Variants in UQCRC2 observed in about 807,000 individuals in gnomAD.
UQCRC2 encodes the protein ubiquinol-cytochrome c reductase core protein 2, also known as cytochrome b-c1 complex subunit 2, mitochondrial.
A neutral mutation model predicts 55.6 loss-of-function variants in UQCRC2; 49 were observed. The ratio of observed to expected loss-of-function variants is 0.88; its 90% CI spans 0.70 to 1.12. The LOEUF (loss-of-function observed/expected upper bound fraction) is 1.12, where lower values mean the gene tolerates loss of function less well. UQCRC2 is among the 50% of genes most tolerant of loss of function. The probability of loss-of-function intolerance (pLI) is 0.00; values close to 1 mark genes in which losing one functional copy is unlikely to be tolerated. For missense variants in UQCRC2, 506 were observed against 547.8 expected, an observed-to-expected ratio of 0.92 and a Z score of 0.76; for synonymous variants, 193 against 192.0, an observed-to-expected ratio of 1.01 and a Z score of -0.04.
chr16:21,981,248 A>T (rs903716688), intron 13 of UQCRC2, among the ~76,000 whole-genome samples: 1 of 152,030 alleles, frequency 6.6e-6, no homozygotes, highest in African/African-American at 2.4e-5. Context: ...TCCCTACAAT[A>T]TTGAGCTGTT....
intron 8 of UQCRC2, among the ~76,000 whole-genome samples, chr16:21,969,231 A>G (rs1898399378): frequency 6.6e-6 from 1 of 152,152 alleles, no homozygotes; most frequent in South Asian, 2.1e-4. Flanking sequence ...GATCTTTTTG[A>G]ACATATCTGT....
chr16:21,961,711 G>C (rs1298724529), intron 4 of UQCRC2, among the ~76,000 whole-genome samples: 8 of 138,992 alleles, frequency 5.8e-5, no homozygotes, highest in African/African-American at 1.8e-4. Flanking sequence ...GAGTGCAGTG[G>C]CATGATCTTG....
intron 5 of UQCRC2, 114 bp from the exon 6 acceptor site, chr16:21,962,647 C>G (rs1597954325): frequency 6.3e-7 from 1 of 1,587,440 alleles, no homozygotes; most frequent in East Asian, 2.2e-5. Context: ...TGCTCAAAAA[C>G]ACTGCTTACC....
chr16:21,958,342 A>C (rs530545266), intron 3 of UQCRC2, among the ~76,000 whole-genome samples, 193 bp from the exon 4 acceptor site: 5 of 152,360 alleles, frequency 3.3e-5, no homozygotes, highest in African/African-American at 1.2e-4. Context: ...GAAATTTTAC[A>C]TGAATGTACT....
At position 21,968,656 on chromosome 16, in the gene UQCRC2, C is replaced by G. The variant is rs1228859339; in HGVS notation, c.641C>G (p.Thr214Arg). ...CATTACTTCGTTCAGAACCATTTCA[C>G]AAGTGCAAGAATGGCTTTGATTGGA... ...ELHYFVQNHF[T>R]SARMALIGLG... The change falls in exon 8 of 14, where the codon ACA becomes AGA. Residue 214 changes from threonine (T) to arginine (R), a missense_variant. Transcript: ENST00000268379. The G allele has an allele frequency of 6.2e-7, 1 of 1,609,786 alleles. No homozygotes were observed. Among genetic ancestry groups the G allele is most frequent in the Non-Finnish European group, 8.5e-7 (1 of 1,177,768 alleles).
At chr16:21,961,928 C>T (rs1898215183) in intron 4 of UQCRC2, among the ~76,000 whole-genome samples, 1 of 151,942 alleles carries the variant, frequency 6.6e-6, no homozygotes. Context: ...GCTGGGATTA[C>T]AGGTGTGAGC....
intron 6 of UQCRC2, 46 bp downstream of exon 6, chr16:21,962,931 T>G: frequency 6.4e-7 from 1 of 1,560,606 alleles, no homozygotes; most frequent in South Asian, 1.2e-5. Flanking sequence ...TACTGGGTTT[T>G]TTAGAAGATC....
chr16:21,959,346 A>ACT, intron 4 of UQCRC2: 1 of 270,752 alleles, frequency 3.7e-6, no homozygotes, highest in African/African-American at 2.3e-5. Flanking sequence ...CAGTGTTCAC[A>ACT]GCATCTTCAA....
At chr16:21,969,612 T>C (rs1898409976) in intron 8 of UQCRC2, among the ~76,000 whole-genome samples, 1 of 152,230 alleles carries the variant, frequency 6.6e-6, no homozygotes, top group Non-Finnish European at 1.5e-5. Context: ...TTAGGTCAAG[T>C]TTACAAAGTA....
At chr16:21,960,929 C>T (rs1368584341) in intron 4 of UQCRC2, among the ~76,000 whole-genome samples, 1 of 152,066 alleles carries the variant, frequency 6.6e-6, no homozygotes, top group Non-Finnish European at 1.5e-5. Context: ...CTCCTGGGCC[C>T]AAGCGATTCT....
At chr16:21,972,517 G>C (rs556027517) in intron 10 of UQCRC2, among the ~76,000 whole-genome samples, 1 of 152,190 alleles carries the variant, frequency 6.6e-6, no homozygotes, top group African/African-American at 2.4e-5. Flanking sequence ...CAACCAAGTG[G>C]ACAAGATGAA....
Position 21,969,906 on chromosome 16 carries a change from C to G in UQCRC2, c.670+1221C>G, listed in dbSNP as rs765761912. Among the ~76,000 whole-genome samples the G allele has an allele frequency of 8.4e-4, 128 of 151,720 alleles. 1 individual carries two copies. Among genetic ancestry groups the G allele is most frequent in the Admixed American group, 8.3e-3 (126 of 15,204 alleles). ...TTTTTAAAGAGATGGAGGTCTCATT[C>G]TGTTGCCCAAGCTGGAGCACAGTGG... On this transcript the variant is annotated intron_variant, in intron 8 of 13. Transcript: ENST00000268379.
intron 7 of UQCRC2, among the ~76,000 whole-genome samples, chr16:21,967,350 A>T (rs1454197992): frequency 2.6e-5 from 4 of 152,120 alleles, no homozygotes; most frequent in African/African-American, 9.7e-5. Context: ...GAGCCTTTCT[A>T]GCCATTTTTT....
rs542091393 is a variant in UQCRC2 at position 21,954,889 on chromosome 16, C to CAA, written c.33+1446_33+1447dup. Among the ~76,000 whole-genome samples, 591 of 129,688 alleles carry CAA rather than the reference C, an allele frequency of 4.6e-3. 6 individuals carry two copies. Among genetic ancestry groups the CAA allele is most frequent in the Admixed American group, 7.4e-3 (94 of 12,764 alleles). 85.1% of individuals were successfully genotyped at this position (129,688 alleles called of 152,430 possible). On this transcript the variant is annotated intron_variant, in intron 1 of 13. Transcript: ENST00000268379. ...TGAAACCCCGTCTCTACTAAAAATA[C>CAA]AAAAAAAAAAAAAATAGCCGGGCGT...
At chr16:21,959,260 A>G (rs1898146994) in intron 4 of UQCRC2, 1 of 159,844 alleles carries the variant, frequency 6.3e-6, no homozygotes, top group Non-Finnish European at 1.4e-5. Flanking sequence ...ACTTCTTTCA[A>G]AATTAGTCAG....
At position 21,971,636 on chromosome 16, in the gene UQCRC2, T is replaced by TA. The variant is rs1898464240; in HGVS notation, c.766+17dup. 3.7e-6 allele frequency: 6 copies of TA among 1,610,656 alleles called. No homozygotes were observed. Among genetic ancestry groups the TA allele is most frequent in the Non-Finnish European group, 5.1e-6 (6 of 1,177,788 alleles). On this transcript the variant is annotated intron_variant, in intron 9 of 13. Coordinates refer to ENST00000268379, the MANE Select transcript of UQCRC2 (RefSeq NM_003366.4). Reference sequence around the variant, plus strand: ...TACCGTGGAGGTAAGCATTTCATTCTATTAGGGTTAATTTATCAGAAGGGC... The same window carrying TA: ...TACCGTGGAGGTAAGCATTTCATTCTAATTAGGGTTAATTTATCAGAAGGGC...
chr16:21,982,870 C>T (rs953455155), intron 13 of UQCRC2, among the ~76,000 whole-genome samples: 1 of 149,048 alleles, frequency 6.7e-6, no homozygotes, highest in Non-Finnish European at 1.5e-5. Context: ...GAGGGTGAGG[C>T]AGAGAATTGC....
At chr16:21,963,203 T>C (rs1468354806) in intron 6 of UQCRC2, 2 of 185,776 alleles carry the variant, frequency 1.1e-5, no homozygotes, top group Non-Finnish European at 2.3e-5. Context: ...TTGGTCAGAC[T>C]GGAGTTCAGT....
chr16:21,961,626 T>TTATATATATATATATATATATA (rs67999727), intron 4 of UQCRC2, among the ~76,000 whole-genome samples: 25 of 64,456 alleles, frequency 3.9e-4, no homozygotes, highest in Non-Finnish European at 6.4e-4. Flanking sequence ...AACATAAAAT[T>TTATATATATATATATATATATA]TATATATATA....
Sources: allele counts gnomAD v4.1 joint callset (sites outside exome capture counted in the v4.1 genomes callset), GRCh38; gene constraint gnomAD v4.1.1; transcripts MANE v1.5; gene names NCBI Gene and HGNC (gene_info 2026-07-23, HGNC 2026-07-21).